Variants in TAFA5 observed in about 807,000 individuals in gnomAD.
TAFA5 encodes the protein chemokine-like protein TAFA-5.
Under a neutral mutation model 15.3 loss-of-function variants are expected in TAFA5, and 6 were observed. That is an observed-to-expected ratio of 0.39 (90% CI 0.21 to 0.77). TAFA5 has a LOEUF of 0.77. TAFA5 is among the 30% of genes least tolerant of loss of function. The probability of loss-of-function intolerance (pLI) is 0.41; values close to 1 mark genes in which losing one functional copy is unlikely to be tolerated. For synonymous variants in TAFA5, 103 were observed against 80.7 expected (o/e 1.28, Z -1.48); for missense variants, 161 against 193.1 (o/e 0.83, Z 0.98).
chr22:48,528,479 CCCA>C (rs1921856400), intron 1 of TAFA5, among the ~76,000 whole-genome samples: 2 of 152,166 alleles, frequency 1.3e-5, no homozygotes, highest in Non-Finnish European at 2.9e-5. Context: ...AGCCACTGCA[CCCA>C]GCCCTGCCAC....
intron 1 of TAFA5, among the ~76,000 whole-genome samples, chr22:48,642,698 G>A (rs1926726541): frequency 1.3e-5 from 2 of 152,128 alleles, no homozygotes; most frequent in Non-Finnish European, 2.9e-5. Context: ...TGGCCTGCGT[G>A]GTCTTTCTGT....
chr22:48,629,336 C>T (rs933706810), intron 1 of TAFA5, among the ~76,000 whole-genome samples: 2 of 152,202 alleles, frequency 1.3e-5, no homozygotes, highest in Non-Finnish European at 2.9e-5. Context: ...CCCAGCGGCC[C>T]CTCCTCGTCC....
intron 1 of TAFA5, among the ~76,000 whole-genome samples, chr22:48,578,298 G>T (rs889923145): frequency 1.3e-5 from 2 of 152,208 alleles, no homozygotes; most frequent in African/African-American, 4.8e-5. Context: ...CCATGTGGCC[G>T]GCCTGTGACA....
chr22:48,681,181 G>T (rs1264993369), intron 2 of TAFA5, among the ~76,000 whole-genome samples: 1 of 152,196 alleles, frequency 6.6e-6, no homozygotes, highest in African/African-American at 2.4e-5. Flanking sequence ...GAGTTGTAGG[G>T]AGAGGCAGCC....
At chr22:48,611,147 C>A (rs534761947) in intron 1 of TAFA5, among the ~76,000 whole-genome samples, 24 of 152,282 alleles carry the variant, frequency 1.6e-4, no homozygotes, top group Middle Eastern at 3.4e-3. Context: ...GTTGGCCAGG[C>A]TGGTCTTGCA....
At chr22:48,632,837 G>A (rs962884651) in intron 1 of TAFA5, among the ~76,000 whole-genome samples, 8 of 152,306 alleles carry the variant, frequency 5.3e-5, no homozygotes, top group South Asian at 4.1e-4. Context: ...AGCCCCAGGC[G>A]GAGGCTGGGC....
chr22:48,724,142 G>A (rs901024241), intron 3 of TAFA5, among the ~76,000 whole-genome samples: 1 of 142,684 alleles, frequency 7.0e-6, no homozygotes, highest in African/African-American at 2.5e-5. Flanking sequence ...GAGAGACTTG[G>A]GGTTCTCGTT....
intron 3 of TAFA5, among the ~76,000 whole-genome samples, chr22:48,724,637 G>A (rs1402201202): frequency 6.6e-6 from 1 of 152,202 alleles, no homozygotes; most frequent in African/African-American, 2.4e-5. Context: ...AAAAGCACTG[G>A]GGAAAGCCCC....
intron 1 of TAFA5, among the ~76,000 whole-genome samples, chr22:48,642,286 C>T (rs1407601388): frequency 1.3e-5 from 2 of 152,184 alleles, no homozygotes; most frequent in Admixed American, 1.3e-4. Flanking sequence ...GGCCTCCTTC[C>T]AGAAGTTGGG....
intron 1 of TAFA5, among the ~76,000 whole-genome samples, chr22:48,531,732 G>A (rs1464456921): frequency 6.6e-6 from 1 of 152,166 alleles, no homozygotes; most frequent in African/African-American, 2.4e-5. Context: ...AACAGAAAGG[G>A]GTTTGTACAG....
chr22:48,554,196 G>A (rs1170151932), intron 1 of TAFA5, among the ~76,000 whole-genome samples: 1 of 152,140 alleles, frequency 6.6e-6, no homozygotes, highest in African/African-American at 2.4e-5. Context: ...ATGTCCCCAG[G>A]GAAATGCTCC....
At chr22:48,748,306 A>G (rs1267668423) in intron 3 of TAFA5, among the ~76,000 whole-genome samples, 1 of 152,258 alleles carries the variant, frequency 6.6e-6, no homozygotes, top group Non-Finnish European at 1.5e-5. Context: ...ACTGCAGGAC[A>G]CAGGCCTTGG....
chr22:48,717,054 G>A (rs1199647258), intron 3 of TAFA5, among the ~76,000 whole-genome samples: 5 of 152,164 alleles, frequency 3.3e-5, no homozygotes, highest in African/African-American at 7.2e-5. Flanking sequence ...CAGTTTCCCC[G>A]TGAGAGTACT....
chr22:48,542,280 G>C (rs571703136), intron 1 of TAFA5, among the ~76,000 whole-genome samples: 5 of 122,786 alleles, frequency 4.1e-5, no homozygotes, highest in African/African-American at 1.4e-4. Context: ...TGTGTGGGGG[G>C]TGTGTGTGCA....
intron 2 of TAFA5, among the ~76,000 whole-genome samples, chr22:48,681,109 G>A (rs1001283023): frequency 1.3e-5 from 2 of 152,226 alleles, no homozygotes; most frequent in African/African-American, 2.4e-5. Flanking sequence ...ACATCGTGGT[G>A]CAGCATGCAG....
At chr22:48,612,956 G>C (rs1925465614) in intron 1 of TAFA5, among the ~76,000 whole-genome samples, 1 of 152,124 alleles carries the variant, frequency 6.6e-6, no homozygotes, top group South Asian at 2.1e-4. Context: ...TGGCTTGTCT[G>C]AGTTTTGAAT....
At chr22:48,655,830 C>CTTTTTTTTGTTTTTTT in intron 2 of TAFA5, among the ~76,000 whole-genome samples, 1 of 62,410 alleles carries the variant, frequency 1.6e-5, no homozygotes, top group Non-Finnish European at 2.9e-5. Flanking sequence ...AACACTGATT[C>CTTTTTTTTGTTTTTTT]TTTTTTTTTT....
intron 2 of TAFA5, among the ~76,000 whole-genome samples, chr22:48,687,646 G>C (rs1928405392): frequency 6.6e-6 from 1 of 152,090 alleles, no homozygotes; most frequent in Non-Finnish European, 1.5e-5. Flanking sequence ...CATTCCACTT[G>C]TAAACAGGAC....
At chr22:48,719,266 G>T (rs1236132132) in intron 3 of TAFA5, among the ~76,000 whole-genome samples, 1 of 152,160 alleles carries the variant, frequency 6.6e-6, no homozygotes, top group African/African-American at 2.4e-5. Context: ...GAAGAGAACC[G>T]CCCCTCGGGT....
Sources: gnomAD v4.1 joint callset for allele counts (sites outside exome capture counted in the v4.1 genomes callset) on GRCh38, gnomAD v4.1.1 for gene constraint, MANE v1.5 for transcripts, NCBI Gene and HGNC (gene_info 2026-07-23, HGNC 2026-07-21) for gene names.